DLG2: variants seen among roughly 807,000 people sequenced by gnomAD.
DLG2 encodes disks large homolog 2.
In DLG2, 45 loss-of-function variants were observed where a neutral mutation model predicts 132.5. The observed-to-expected ratio is 0.34, with a 90% CI of 0.27 to 0.44. The LOEUF is 0.44. Ranked by LOEUF, DLG2 falls within the 20% of genes least tolerant of loss-of-function variation. The pLI is 1.00. For synonymous variants in DLG2, 424 were observed against 419.6 expected, an observed-to-expected ratio of 1.01 and a Z score of -0.13; for missense variants, 1,045 against 1,196.9, an observed-to-expected ratio of 0.87 and a Z score of 1.87.
intron 6 of DLG2, among the ~76,000 whole-genome samples, chr11:84,820,628 T>C (rs1169883201): frequency 6.6e-6 from 1 of 151,914 alleles, no homozygotes; most frequent in East Asian, 1.9e-4. Context: ...CATATTCTTT[T>C]ATGTCTCTGT....
chr11:84,750,430 T>G (rs2065959877), intron 6 of DLG2, among the ~76,000 whole-genome samples: 1 of 152,160 alleles, frequency 6.6e-6, no homozygotes, highest in African/African-American at 2.4e-5. Flanking sequence ...TTTGTTAAGA[T>G]TTGAGGTTTG....
intron 4 of DLG2, among the ~76,000 whole-genome samples, chr11:85,210,637 A>G (rs2082195308): frequency 6.6e-6 from 1 of 152,004 alleles, no homozygotes; most frequent in African/African-American, 2.4e-5. Context: ...GACAGTCCCA[A>G]CTGTCTGTAT....
Position 84,165,032 on chromosome 11 carries a change from C to T in DLG2, c.574-1521G>A, listed in dbSNP as rs141586926. 4.4e-3 allele frequency among the ~76,000 whole-genome samples: 668 copies of T among 152,228 alleles called. 4 individuals carry two copies. Among genetic ancestry groups the T allele is most frequent in the Non-Finnish European group, 4.0e-3 (273 of 67,996 alleles). ...CACACACACAAACACACTTCAAACT[C>T]CTTGTATGTTTCCATATGAATGATT... On this transcript the variant is annotated intron_variant, in intron 8 of 27. Transcript: ENST00000376104.
intron 11 of DLG2, among the ~76,000 whole-genome samples, chr11:83,991,056 T>A (rs1346683133): frequency 6.6e-6 from 1 of 152,180 alleles, no homozygotes; most frequent in African/African-American, 2.4e-5. Context: ...CTCTTCCTTT[T>A]TAGAAAGAAA....
chr11:85,531,871 C>A (rs960151784), intron 3 of DLG2, among the ~76,000 whole-genome samples: 3 of 152,112 alleles, frequency 2.0e-5, no homozygotes, highest in African/African-American at 7.2e-5. Context: ...GAGAAAGATG[C>A]TAATATGTTC....
At chr11:83,509,224 T>G (rs1201619654) in intron 21 of DLG2, among the ~76,000 whole-genome samples, 3 of 152,224 alleles carry the variant, frequency 2.0e-5, no homozygotes, top group Admixed American at 1.3e-4. Context: ...TAAGTTTGAT[T>G]CAAATCACTG....
chr11:84,703,446 C>A (rs2059413230), intron 6 of DLG2, among the ~76,000 whole-genome samples: 2 of 151,186 alleles, frequency 1.3e-5, no homozygotes, highest in Non-Finnish European at 3.0e-5. Flanking sequence ...GCAGTGGGTG[C>A]TGAAAAAAAG....
chr11:83,794,228 T>A (rs1309312623), intron 17 of DLG2, among the ~76,000 whole-genome samples: 1 of 152,210 alleles, frequency 6.6e-6, no homozygotes, highest in Non-Finnish European at 1.5e-5. Flanking sequence ...CCCTTGTTCC[T>A]GTTGATTTCT....
intron 6 of DLG2, among the ~76,000 whole-genome samples, chr11:84,591,327 T>G (rs986119304): frequency 6.7e-6 from 1 of 150,200 alleles, no homozygotes; most frequent in Admixed American, 6.7e-5. Context: ...TTTTTTTTTT[T>G]GTTTTGTTTG....
In DLG2 at chr11:85,341,514, C is replaced by G. The variant is rs1214014821; in HGVS notation, c.41-56149G>C. On this transcript the variant is annotated intron_variant, in intron 3 of 27. Transcript: ENST00000376104. ...TTGTGCCTCCAATTGATTTATCTTG[C>G]CTAATTGCATTGGCTGATTAATCTA... Among the ~76,000 whole-genome samples, 3 of 152,118 alleles carry G rather than the reference C, an allele frequency of 2.0e-5. No homozygotes were observed. The East Asian group carries it at 5.8e-4, about 29-fold the overall frequency.
intron 4 of DLG2, among the ~76,000 whole-genome samples, chr11:85,219,358 A>T (rs1366207357): frequency 6.6e-6 from 1 of 152,124 alleles, no homozygotes; most frequent in East Asian, 1.9e-4. Flanking sequence ...TTTCATTACA[A>T]TATTTTTCCA....
At chr11:84,437,071 A>G (rs1025495570) in intron 7 of DLG2, among the ~76,000 whole-genome samples, 1 of 152,236 alleles carries the variant, frequency 6.6e-6, no homozygotes, top group African/African-American at 2.4e-5. Flanking sequence ...CTGAACAAGC[A>G]TAAACTGCAG....
chr11:84,066,675 C>A (rs773628637), intron 10 of DLG2, among the ~76,000 whole-genome samples: 1 of 151,978 alleles, frequency 6.6e-6, no homozygotes, highest in East Asian at 1.9e-4. Context: ...GCAGGAGAAT[C>A]GCTTGAACCT....
intron 6 of DLG2, among the ~76,000 whole-genome samples, chr11:84,823,224 T>C (rs1368405769): frequency 6.6e-6 from 1 of 151,878 alleles, no homozygotes; most frequent in African/African-American, 2.4e-5. Flanking sequence ...ACCTGACTTT[T>C]AGAAATCTAC....
intron 3 of DLG2, among the ~76,000 whole-genome samples, chr11:85,505,657 C>A (rs2093913537): frequency 2.0e-5 from 3 of 152,154 alleles, no homozygotes; most frequent in Non-Finnish European, 2.9e-5. Flanking sequence ...TGATGTTCAT[C>A]AGGGATATTG....
At chr11:84,592,016 G>A (rs2099544530) in intron 6 of DLG2, among the ~76,000 whole-genome samples, 1 of 152,004 alleles carries the variant, frequency 6.6e-6, no homozygotes, top group Non-Finnish European at 1.5e-5. Context: ...ATCACGCCAG[G>A]CTGATTTTTG....
At chr11:85,276,243 C>T (rs2077884419) in intron 4 of DLG2, among the ~76,000 whole-genome samples, 1 of 152,122 alleles carries the variant, frequency 6.6e-6, no homozygotes, top group South Asian at 2.1e-4. Context: ...GAGAAAAAAA[C>T]TTTAGGAATG....
intron 15 of DLG2, among the ~76,000 whole-genome samples, chr11:83,929,322 T>C (rs796550530): frequency 7.2e-5 from 11 of 152,306 alleles, no homozygotes; most frequent in African/African-American, 2.4e-4. Context: ...TCTAACAATA[T>C]TATGAAGATA....
chr11:85,184,592 G>T (rs2079963402), intron 4 of DLG2, among the ~76,000 whole-genome samples: 1 of 151,692 alleles, frequency 6.6e-6, no homozygotes, highest in Non-Finnish European at 1.5e-5. Context: ...CCCTCATTTG[G>T]TACAGTAAAG....
Sources: allele counts gnomAD v4.1 joint callset (sites outside exome capture counted in the v4.1 genomes callset), GRCh38; gene constraint gnomAD v4.1.1; transcripts MANE v1.5; gene names NCBI Gene and HGNC (gene_info 2026-07-23, HGNC 2026-07-21).